Variants in RORA observed in about 807,000 individuals in gnomAD.
RORA encodes the protein nuclear receptor ROR-alpha.
A neutral mutation model predicts 69.5 loss-of-function variants in RORA; 7 were observed. The observed-to-expected ratio is 0.10, with a 90% CI of 0.06 to 0.19. The LOEUF is 0.19. Among genes scored for constraint, RORA ranks in the 10% least tolerant of loss-of-function variants. The pLI is 1.00. For synonymous variants in RORA, 261 were observed against 240.8 expected, an observed-to-expected ratio of 1.08 and a Z score of -0.78; for missense variants, 457 against 663.0, an observed-to-expected ratio of 0.69 and a Z score of 3.41.
In RORA at chr15:60,531,700, C is replaced by G; in HGVS notation, c.282+66G>C. 1 of 826,990 alleles carries G rather than the reference C, an allele frequency of 1.2e-6. No individual in the cohort carries two copies. The highest frequency in any genetic ancestry group is 1.9e-6 in the Non-Finnish European group (1 of 514,800). 51.2% of individuals were successfully genotyped at this position (826,990 alleles called of 1,614,324 possible). A position where few individuals can be genotyped will look rare whatever the true frequency, so the allele number is the denominator to read the frequency against. On this transcript the variant is annotated intron_variant, in intron 3 of 10. Transcript: ENST00000335670. This position sits in a 1 kb window ranked among gnomAD's most constrained non-coding sequence, Gnocchi z 4.8. ...TTGAATTTTAAGACATAAGTGGAGA[C>G]ATACAAATCACAAAGATATATTCTA... is the stretch of plus-strand genomic sequence containing the variant.
chr15:61,089,821 G>C (rs910423196), intron 1 of RORA, among the ~76,000 whole-genome samples: 2 of 152,130 alleles, frequency 1.3e-5, no homozygotes, highest in African/African-American at 4.8e-5. Flanking sequence ...CAAGCAGCAG[G>C]CTCCAAGGAT....
intron 1 of RORA, among the ~76,000 whole-genome samples, chr15:61,153,682 T>C (rs2079417227): frequency 6.6e-6 from 1 of 152,246 alleles, no homozygotes; most frequent in Non-Finnish European, 1.5e-5. Context: ...GCTGTAAATG[T>C]TCTTCCGGCT....
intron 1 of RORA, among the ~76,000 whole-genome samples, chr15:60,975,770 C>A (rs1893857641): frequency 6.6e-6 from 1 of 152,172 alleles, no homozygotes; most frequent in African/African-American, 2.4e-5. Context: ...AAACGGGAGA[C>A]CCCTAACAGA....
chr15:61,189,882 A>AAAAC (rs2079780836), intron 1 of RORA, among the ~76,000 whole-genome samples: 7 of 149,424 alleles, frequency 4.7e-5, no homozygotes, highest in South Asian at 2.1e-4. Context: ...AAAAAAAAAA[A>AAAAC]CCACAGATAT....
At chr15:61,111,821 C>T (rs941896218) in intron 1 of RORA, among the ~76,000 whole-genome samples, 71 of 152,310 alleles carry the variant, frequency 4.7e-4, no homozygotes, top group African/African-American at 1.7e-3. Flanking sequence ...CTTTGGCATG[C>T]TATTCATTAA....
At chr15:61,040,915 A>C (rs1230375948) in intron 1 of RORA, among the ~76,000 whole-genome samples, 1 of 152,232 alleles carries the variant, frequency 6.6e-6, no homozygotes, top group African/African-American at 2.4e-5. Flanking sequence ...AAGCAACTAT[A>C]GTATTTTGTA....
In RORA at chr15:60,531,732, A is replaced by G. The variant is rs1262884773; in HGVS notation, c.282+34T>C. On this transcript the variant is annotated intron_variant, in intron 3 of 10. Coordinates refer to ENST00000335670, the MANE Select transcript of RORA (RefSeq NM_134261.3). The surrounding 1 kb of genome is among the most constrained non-coding windows in gnomAD (Gnocchi z 4.8). ...ATCACAAAGATATATTCTAACAAACATTAATAGAAACAACAACAATTAAAA... is the reference window on the plus strand; with the variant it reads ...ATCACAAAGATATATTCTAACAAACGTTAATAGAAACAACAACAATTAAAA... 1.7e-6 allele frequency: 2 copies of G among 1,179,966 alleles called. No individual in the cohort carries two copies. The highest frequency in any genetic ancestry group is 2.5e-6 in the Non-Finnish European group (2 of 810,272). 73.1% of individuals were successfully genotyped at this position (1,179,966 alleles called of 1,614,324 possible). A position where few individuals can be genotyped will look rare whatever the true frequency, so the allele number is the denominator to read the frequency against.
chr15:60,672,771 T>G (rs149947275), intron 2 of RORA, among the ~76,000 whole-genome samples: 2 of 152,316 alleles, frequency 1.3e-5, no homozygotes, highest in East Asian at 3.9e-4. Flanking sequence ...ACGTAAAGCA[T>G]TAAACACAAT....
chr15:60,728,189 C>A (rs1282146117), intron 1 of RORA, among the ~76,000 whole-genome samples: 3 of 129,212 alleles, frequency 2.3e-5, no homozygotes, highest in Admixed American at 2.2e-4. Flanking sequence ...GAAGATGCTT[C>A]CTTTTTGCTT....
chr15:60,502,906 T>C (rs200597899), intron 7 of RORA, 39 bp from the exon 8 acceptor site: 1 of 1,330,628 alleles, frequency 7.5e-7, no homozygotes, highest in Non-Finnish European at 1.1e-6. Flanking sequence ...ATTTGGGTCA[T>C]CTGATGTTAG....
chr15:60,653,582 ATAT>A (rs2070178061), intron 2 of RORA, among the ~76,000 whole-genome samples: 1 of 152,168 alleles, frequency 6.6e-6, no homozygotes, highest in Admixed American at 6.5e-5. Context: ...ATTCGGCCAG[ATAT>A]TATTATCTTA....
chr15:60,524,425 A>T (rs940312664), intron 3 of RORA, among the ~76,000 whole-genome samples: 2 of 152,218 alleles, frequency 1.3e-5, no homozygotes, highest in African/African-American at 4.8e-5. Flanking sequence ...TCAAAGTCAT[A>T]GAATGACCAA....
chr15:60,670,318 T>C (rs1176341628), intron 2 of RORA, among the ~76,000 whole-genome samples: 1 of 151,926 alleles, frequency 6.6e-6, no homozygotes, highest in Non-Finnish European at 1.5e-5. Flanking sequence ...CAAGCGATTA[T>C]CCTGCCTCAG....
intron 2 of RORA, among the ~76,000 whole-genome samples, chr15:60,633,448 C>A (rs1484423369): frequency 1.3e-5 from 2 of 152,186 alleles, no homozygotes; most frequent in South Asian, 2.1e-4. Context: ...TGGAGCACAG[C>A]TCAATCTCTG....
intron 1 of RORA, among the ~76,000 whole-genome samples, chr15:60,917,725 A>C (rs1461321370): frequency 6.6e-6 from 1 of 152,192 alleles, no homozygotes; most frequent in Non-Finnish European, 1.5e-5. Context: ...CTGAGAATAT[A>C]ATCTCTCAGG....
At chr15:60,632,446 G>A (rs1056798908) in intron 2 of RORA, among the ~76,000 whole-genome samples, 7 of 152,114 alleles carry the variant, frequency 4.6e-5, no homozygotes, top group African/African-American at 1.4e-4. Context: ...GATAGACTTA[G>A]GTGTAGGTTG....
intron 3 of RORA, among the ~76,000 whole-genome samples, chr15:60,520,897 C>T (rs2066142266): frequency 6.6e-6 from 1 of 152,112 alleles, no homozygotes. Context: ...TGAGCTTGAG[C>T]CAGAGAGCCA....
chr15:61,157,806 G>A (rs1326834438), intron 1 of RORA, among the ~76,000 whole-genome samples: 3 of 152,134 alleles, frequency 2.0e-5, no homozygotes, highest in Non-Finnish European at 4.4e-5. Flanking sequence ...TAAATAAATC[G>A]ATAAATAAAT....
chr15:60,982,375 G>A (rs1423517939), intron 1 of RORA, among the ~76,000 whole-genome samples: 1 of 152,204 alleles, frequency 6.6e-6, no homozygotes, highest in Non-Finnish European at 1.5e-5. Flanking sequence ...ATTCCCTACA[G>A]CATGTCATTC....
Sources: allele counts gnomAD v4.1 joint callset (sites outside exome capture counted in the v4.1 genomes callset), GRCh38; gene constraint gnomAD v4.1.1; non-coding constraint Gnocchi (gnomAD v3.1); transcripts MANE v1.5; gene names NCBI Gene and HGNC (gene_info 2026-07-23, HGNC 2026-07-21).